The following HIBADH variants were observed in gnomAD, a reference collection of about 807,000 sequenced individuals.
HIBADH encodes 3-hydroxyisobutyrate dehydrogenase.
In HIBADH, 25 loss-of-function variants were observed where a neutral mutation model predicts 36.1. The ratio of observed to expected loss-of-function variants is 0.69; its 90% CI spans 0.50 to 0.97. HIBADH has a LOEUF of 0.97. Among genes scored for constraint, HIBADH ranks in the 50% least tolerant of loss-of-function variants. HIBADH has a pLI of 0.00. For missense variants in HIBADH, 421 were observed against 418.0 expected (o/e 1.01, Z -0.06); for synonymous variants, 160 against 149.5 (o/e 1.07, Z -0.51).
intron 4 of HIBADH, among the ~76,000 whole-genome samples, chr7:27,546,573 C>T (rs958360081): frequency 2.6e-5 from 4 of 152,110 alleles, no homozygotes; most frequent in Admixed American, 6.6e-5. Context: ...CTATAAATAA[C>T]AGAAGTAGGC....
At chr7:27,572,821 AATTTG>A (rs1403618682) in intron 4 of HIBADH, among the ~76,000 whole-genome samples, 6 of 152,172 alleles carry the variant, frequency 3.9e-5, no homozygotes, top group Non-Finnish European at 5.9e-5. Flanking sequence ...TCAAATTAAG[AATTTG>A]ATTTGGTGAG....
intron 4 of HIBADH, among the ~76,000 whole-genome samples, chr7:27,582,130 G>A (rs1283471799): frequency 6.6e-6 from 1 of 152,026 alleles, no homozygotes; most frequent in African/African-American, 2.4e-5. Flanking sequence ...TAAAGTAATT[G>A]CTTCTTTATT....
At chr7:27,655,754 C>CT (rs1383244070) in intron 1 of HIBADH, among the ~76,000 whole-genome samples, 1 of 151,312 alleles carries the variant, frequency 6.6e-6, no homozygotes, top group African/African-American at 2.4e-5. Context: ...AAATTACCCC[C>CT]CAGAAAACCT....
intron 4 of HIBADH, among the ~76,000 whole-genome samples, chr7:27,607,860 T>C (rs1785257331): frequency 6.6e-6 from 1 of 152,212 alleles, no homozygotes; most frequent in African/African-American, 2.4e-5. Context: ...AAAACTATCT[T>C]GGCTGTAAAA....
chr7:27,595,893 T>C (rs1290528386), intron 4 of HIBADH, among the ~76,000 whole-genome samples: 1 of 152,114 alleles, frequency 6.6e-6, no homozygotes, highest in Non-Finnish European at 1.5e-5. Flanking sequence ...AACAAGATCG[T>C]AATTTGGAGG....
At chr7:27,577,753 T>A (rs954812774) in intron 4 of HIBADH, among the ~76,000 whole-genome samples, 4 of 152,178 alleles carry the variant, frequency 2.6e-5, no homozygotes, top group Non-Finnish European at 5.9e-5. Flanking sequence ...GTAGCATCCT[T>A]TAAGAATGTA....
At chr7:27,565,195 A>C (rs1277610266) in intron 4 of HIBADH, among the ~76,000 whole-genome samples, 2 of 152,112 alleles carry the variant, frequency 1.3e-5, no homozygotes, top group East Asian at 3.9e-4. Flanking sequence ...AAAACTGCTG[A>C]AATTATTCAA....
chr7:27,567,554 C>A (rs1422069184), intron 4 of HIBADH, among the ~76,000 whole-genome samples: 3 of 152,124 alleles, frequency 2.0e-5, no homozygotes, highest in African/African-American at 7.2e-5. Flanking sequence ...TAGTTCCTCT[C>A]TTTCTCCTTT....
At chr7:27,586,278 A>G (rs1784860619) in intron 4 of HIBADH, among the ~76,000 whole-genome samples, 1 of 152,194 alleles carries the variant, frequency 6.6e-6, no homozygotes, top group Non-Finnish European at 1.5e-5. Context: ...ACTGGGTTTC[A>G]AGGTTTTAAG....
intron 2 of HIBADH, among the ~76,000 whole-genome samples, chr7:27,635,057 ACTCTCTCTCTTTCT>A (rs1255346073): frequency 6.9e-6 from 1 of 145,572 alleles, no homozygotes; most frequent in Non-Finnish European, 1.5e-5. Flanking sequence ...AATAACACAC[ACTCTCTCTCTTTCT>A]CTCTCTCTCT....
chr7:27,543,176 G>C (rs1481761022), intron 4 of HIBADH, 76 bp from the exon 5 acceptor site: 6 of 1,503,548 alleles, frequency 4.0e-6, no homozygotes, highest in Non-Finnish European at 5.4e-6. Context: ...AATAAAATTA[G>C]AGAAACCAAC....
rs1583582890 is a variant in HIBADH, at chr7:27,586,361, G to T, written c.484+43010C>A. On this transcript the variant is annotated intron_variant, in intron 4 of 7. Transcript: ENST00000265395. ...AAAAGAAAGAGAGAAAGAGAGACAG[G>T]GAGAGAGAGAAGGAAGGAAGGAAAG... 2.0e-5 allele frequency among the ~76,000 whole-genome samples: 3 copies of T among 150,274 alleles called. No individual in the cohort carries two copies. In the East Asian group the frequency reaches 5.9e-4, roughly 30 times the overall value.
intron 1 of HIBADH, among the ~76,000 whole-genome samples, chr7:27,649,839 C>G (rs761199238): frequency 6.6e-6 from 1 of 151,092 alleles, no homozygotes; most frequent in Admixed American, 6.6e-5. Flanking sequence ...TTTAGAACAG[C>G]CTAGGCAACA....
At chr7:27,577,253 T>C (rs1187889534) in intron 4 of HIBADH, among the ~76,000 whole-genome samples, 1 of 145,690 alleles carries the variant, frequency 6.9e-6, no homozygotes, top group Non-Finnish European at 1.5e-5. Flanking sequence ...AACCTCCGCC[T>C]CCCGGGTTCA....
At chr7:27,601,310 A>C (rs1482016987) in intron 4 of HIBADH, among the ~76,000 whole-genome samples, 1 of 152,138 alleles carries the variant, frequency 6.6e-6, no homozygotes, top group African/African-American at 2.4e-5. Context: ...AGGGATTAAA[A>C]ATACTAACAA....
chr7:27,592,658 T>G (rs1282685035), intron 4 of HIBADH, among the ~76,000 whole-genome samples: 1 of 152,162 alleles, frequency 6.6e-6, no homozygotes, highest in Non-Finnish European at 1.5e-5. Context: ...TATCTATATC[T>G]CTAGCTCAAG....
At chr7:27,644,675 GA>G (rs1786030162) in intron 2 of HIBADH, among the ~76,000 whole-genome samples, 1 of 150,732 alleles carries the variant, frequency 6.6e-6, no homozygotes, top group African/African-American at 2.4e-5. Context: ...TGAGGCAGAA[GA>G]ATCACTCGAA....
chr7:27,551,415 G>A, intron 4 of HIBADH, among the ~76,000 whole-genome samples: 1 of 152,014 alleles, frequency 6.6e-6, no homozygotes, highest in East Asian at 1.9e-4. Context: ...ACAATACATT[G>A]GAAAGGTATA....
chr7:27,541,909 G>C (rs1784157009), intron 5 of HIBADH, among the ~76,000 whole-genome samples: 1 of 152,172 alleles, frequency 6.6e-6, no homozygotes, highest in Non-Finnish European at 1.5e-5. Context: ...CACTGCAATA[G>C]CAACAGGTGG....
Sources: allele counts gnomAD v4.1 joint callset (sites outside exome capture counted in the v4.1 genomes callset), GRCh38; gene constraint gnomAD v4.1.1; transcripts MANE v1.5; gene names NCBI Gene and HGNC (gene_info 2026-07-23, HGNC 2026-07-21).